The following MIS18A variants were observed in gnomAD, a reference collection of about 807,000 sequenced individuals.
MIS18A encodes protein Mis18-alpha.
In MIS18A, 14 loss-of-function variants were observed where a neutral mutation model predicts 25.0. That is an observed-to-expected ratio of 0.56 (90% CI 0.37 to 0.88). MIS18A has a LOEUF of 0.88. MIS18A is among the 40% of genes least tolerant of loss of function. The pLI, the probability that MIS18A is intolerant of heterozygous loss-of-function variation, is 0.00. For synonymous variants in MIS18A, 134 were observed against 118.6 expected (o/e 1.13, Z -0.84); for missense variants, 292 against 290.8 (o/e 1.00, Z -0.03).
chr21:32,273,962 G>C lies in MIS18A; in HGVS notation c.401+868C>G, dbSNP rs147997507. Among the ~76,000 whole-genome samples, 172 of 152,212 alleles carry C rather than the reference G, an allele frequency of 1.1e-3. 2 individuals carry two copies. Among genetic ancestry groups the C allele is most frequent in the Middle Eastern group, 6.8e-3 (2 of 294 alleles). On this transcript the variant is annotated intron_variant, in intron 2 of 4. Coordinates refer to ENST00000290130, the MANE Select transcript of MIS18A (RefSeq NM_018944.3). ...GCGTCACTATGGCACATGGGTGGCA[G>C]GTATGGCAAGATATTTGTCCCCTCT...
rs764082732 is a variant in MIS18A at position 32,278,736 on chromosome 21, G to T, written c.279C>A (p.Gly93=). The change falls in exon 1 of 5, where the codon GGC becomes GGA. Residue 93 remains glycine, a synonymous_variant. Coordinates refer to ENST00000290130, the MANE Select transcript of MIS18A (RefSeq NM_018944.3). The part of the protein sequence containing the change: ...FLCSGCRRPL[G]DSLSWVASQE... ...GGCTGGCCACCCAGCTCAGCGAGTC[G>T]CCCAGCGGCCGCCGGCAGCCGGAGC... 40 of 1,579,836 alleles carry T rather than the reference G, an allele frequency of 2.5e-5. No individual in the cohort carries two copies. Among genetic ancestry groups the T allele is most frequent in the Non-Finnish European group, 3.3e-5 (39 of 1,169,524 alleles).
At chr21:32,211,130 T>G in the MIS18A span, among the ~76,000 whole-genome samples, 1 of 152,100 alleles carries the variant, frequency 6.6e-6, no homozygotes, top group African/African-American at 2.4e-5. Context: ...AACATTTGCC[T>G]CCCGGGTTCA....
the MIS18A span, among the ~76,000 whole-genome samples, chr21:32,178,949 G>A: frequency 6.6e-6 from 1 of 152,126 alleles, no homozygotes; most frequent in Middle Eastern, 3.4e-3. Context: ...TGCTTCAGCT[G>A]CTTCATCTGC....
chr21:32,172,603 T>C, the MIS18A span, among the ~76,000 whole-genome samples: 1 of 151,848 alleles, frequency 6.6e-6, no homozygotes, highest in African/African-American at 2.4e-5. Context: ...CTTTTTTTTT[T>C]TTAACAGAGA....
chr21:32,239,556 T>C, the MIS18A span, among the ~76,000 whole-genome samples: 1 of 152,366 alleles, frequency 6.6e-6, no homozygotes, highest in Non-Finnish European at 1.5e-5. Flanking sequence ...TTGTTATTTA[T>C]AAGATTCTCA....
the MIS18A span, among the ~76,000 whole-genome samples, chr21:32,258,226 A>G: frequency 1.3e-5 from 2 of 152,248 alleles, no homozygotes; most frequent in Non-Finnish European, 2.9e-5. Flanking sequence ...AAGAGAAAAC[A>G]TAATTAACTT....
chr21:32,199,093 CAGGCTAAAGT>C, the MIS18A span, among the ~76,000 whole-genome samples: 3 of 152,054 alleles, frequency 2.0e-5, no homozygotes, highest in African/African-American at 7.2e-5. Context: ...GGCATGGGGT[CAGGCTAAAGT>C]AGGCGTTTTT....
Position 32,268,710 on chromosome 21 carries a change from A to G in MIS18A, c.*327T>C. 5.4e-6 allele frequency: 1 copy of G among 183,892 alleles called. No homozygotes were observed. Among genetic ancestry groups the G allele is most frequent in the Admixed American group, 6.1e-5 (1 of 16,352 alleles). The allele number at this position is 183,892 out of a possible 1,614,324, so 11.4% of individuals were successfully genotyped here. ...CTAAGTCCCAATTCCAACAAGTACC[A>G]TAAAACGTCTTTAAAATGCGATTTT... On this transcript the variant is annotated 3_prime_UTR_variant, in exon 5 of 5. Coordinates refer to ENST00000290130, the MANE Select transcript of MIS18A (RefSeq NM_018944.3).
the MIS18A span, among the ~76,000 whole-genome samples, chr21:32,169,605 G>C: frequency 0.02 from 2,999 of 152,166 alleles, 111 homozygotes; most frequent in African/African-American, 0.067. Context: ...CTAACCTTGA[G>C]GCTTTGTACA....
chr21:32,266,905 A>G (rs2031616213), downstream of MIS18A, among the ~76,000 whole-genome samples: 3 of 152,134 alleles, frequency 2.0e-5, no homozygotes, highest in South Asian at 6.2e-4. Context: ...TCCAATTATA[A>G]GAAACAAAAA....
chr21:32,217,974 AC>A, the MIS18A span, among the ~76,000 whole-genome samples: 1 of 151,928 alleles, frequency 6.6e-6, no homozygotes, highest in African/African-American at 2.4e-5. Context: ...CGGGCGGATC[AC>A]AAGGTCAGGA....
the MIS18A span, among the ~76,000 whole-genome samples, chr21:32,208,556 T>C: frequency 1.3e-5 from 2 of 152,218 alleles, no homozygotes; most frequent in Non-Finnish European, 2.9e-5. Flanking sequence ...TACAGAACCA[T>C]GAGCCAATTA....
the MIS18A span, among the ~76,000 whole-genome samples, chr21:32,223,397 A>T: frequency 6.6e-6 from 1 of 152,230 alleles, no homozygotes; most frequent in Non-Finnish European, 1.5e-5. Context: ...GCAATAAAGA[A>T]GAAAAGAGAG....
At chr21:32,200,492 G>A in the MIS18A span, among the ~76,000 whole-genome samples, 2 of 151,314 alleles carry the variant, frequency 1.3e-5, no homozygotes, top group African/African-American at 4.9e-5. Flanking sequence ...GGAGTGCAGA[G>A]GTGCAATCTT....
the MIS18A span, among the ~76,000 whole-genome samples, chr21:32,176,129 T>C: frequency 1.3e-5 from 2 of 152,184 alleles, no homozygotes; most frequent in Non-Finnish European, 2.9e-5. Flanking sequence ...CAGTTAACTT[T>C]TTAAATAAGT....
chr21:32,276,457 T>C (rs1280717246), intron 1 of MIS18A, among the ~76,000 whole-genome samples: 1 of 60,354 alleles, frequency 1.7e-5, no homozygotes, highest in Non-Finnish European at 2.6e-5. Context: ...TGAGACTCTG[T>C]CTCAAAAAAA....
At chr21:32,211,412 CTTCT>C in the MIS18A span, among the ~76,000 whole-genome samples, 11 of 152,216 alleles carry the variant, frequency 7.2e-5, no homozygotes, top group Non-Finnish European at 1.2e-4. Flanking sequence ...ATGCCTCTCT[CTTCT>C]TTCTCTTTCT....
At chr21:32,205,600 T>A in the MIS18A span, among the ~76,000 whole-genome samples, 3 of 152,114 alleles carry the variant, frequency 2.0e-5, no homozygotes, top group South Asian at 4.1e-4. Context: ...GGGTCTTTAT[T>A]AAGTAATTTA....
downstream of MIS18A, among the ~76,000 whole-genome samples, chr21:32,264,155 TA>T (rs910156417): frequency 3.9e-5 from 6 of 152,182 alleles, no homozygotes; most frequent in African/African-American, 1.4e-4. Context: ...TATATAGAAA[TA>T]TTTTTAGGAA....
Sources: gnomAD v4.1 joint callset for allele counts (sites outside exome capture counted in the v4.1 genomes callset) on GRCh38, gnomAD v4.1.1 for gene constraint, MANE v1.5 for transcripts, NCBI Gene and HGNC (gene_info 2026-07-23, HGNC 2026-07-21) for gene names.